Variants in UBA52 observed in about 807,000 individuals in gnomAD.
UBA52 encodes ubiquitin A-52 residue ribosomal protein fusion product 1, also known as ubiquitin-ribosomal protein eL40 fusion protein.
Under a neutral mutation model 15.3 loss-of-function variants are expected in UBA52, and 1 was observed. The observed-to-expected ratio is 0.07, with a 90% CI of 0.02 to 0.31. UBA52 has a LOEUF of 0.31. UBA52 is among the 10% of genes least tolerant of loss of function. UBA52 has a pLI of 1.00. For missense variants in UBA52, 87 were observed against 168.0 expected (o/e 0.52, Z 2.66); for synonymous variants, 50 against 58.3 (o/e 0.86, Z 0.65).
At chr19:18,573,049 G>C (rs1975584037) in intron 1 of UBA52, 2 of 1,323,050 alleles carry the variant, frequency 1.5e-6, no homozygotes, top group Non-Finnish European at 2.0e-6. Context: ...AAGAGCACCC[G>C]TGCGGTCAGG....
upstream of UBA52, chr19:18,567,408 G>T: frequency 1.5e-6 from 1 of 662,124 alleles, no homozygotes; most frequent in Non-Finnish European, 2.7e-6. Flanking sequence ...CCGCACAGGA[G>T]AATGTGGATA....
chr19:18,570,752 C>T (rs1166439794), upstream of UBA52, among the ~76,000 whole-genome samples: 1 of 150,276 alleles, frequency 6.7e-6, no homozygotes, highest in Non-Finnish European at 1.5e-5. Context: ...CAATGGCACT[C>T]TCTCGGCTAA....
At chr19:18,568,283 A>AT, upstream of UBA52, 1 of 665,896 alleles carries the variant, frequency 1.5e-6, no homozygotes, top group Non-Finnish European at 2.6e-6. Context: ...AAAAAAAAAA[A>AT]GGGTCAAGTC....
chr19:18,574,007 T>A (rs535792670), intron 3 of UBA52, among the ~76,000 whole-genome samples: 28 of 151,838 alleles, frequency 1.8e-4, no homozygotes, highest in Non-Finnish European at 4.0e-4. Flanking sequence ...AAAAATCAGC[T>A]GGGTGCAGTG....
chr19:18,572,939 T>C (rs1975577116), intron 1 of UBA52: 1 of 1,113,616 alleles, frequency 9.0e-7, no homozygotes. Flanking sequence ...GGAAGATGGA[T>C]CTAGCAAGAT....
chr19:18,566,943 G>A (rs1975271167), upstream of UBA52, among the ~76,000 whole-genome samples: 1 of 152,212 alleles, frequency 6.6e-6, no homozygotes, highest in Admixed American at 6.5e-5. Context: ...CGGCTGGTGG[G>A]CGACTGTCAG....
At chr19:18,567,390 T>G (rs550893763), upstream of UBA52, 151 of 653,036 alleles carry the variant, frequency 2.3e-4, 2 homozygotes, top group South Asian at 2.6e-3. Context: ...CCGTGCCCCG[T>G]GGGGAGGCCG....
At chr19:18,565,819 C>T in the UBA52 span, among the ~76,000 whole-genome samples, 1 of 152,298 alleles carries the variant, frequency 6.6e-6, no homozygotes, top group East Asian at 1.9e-4. Flanking sequence ...TCCTGAGTAG[C>T]TGGGACTACA....
At chr19:18,573,490 T>C in intron 2 of UBA52, 87 bp downstream of exon 2, 1 of 1,343,686 alleles carries the variant, frequency 7.4e-7, no homozygotes, top group South Asian at 1.2e-5. Context: ...TGGGTTGTGC[T>C]GACTTTAGAT....
At chr19:18,572,286 A>T (rs1415990676) in intron 1 of UBA52, 1 of 152,208 alleles carries the variant, frequency 6.6e-6, no homozygotes, top group African/African-American at 2.4e-5. Flanking sequence ...CTACGTCTGT[A>T]AGGAGGAGCT....
the UBA52 span, chr19:18,565,267 T>G: frequency 2.0e-5 from 23 of 1,158,782 alleles, no homozygotes; most frequent in African/African-American, 3.3e-4. Context: ...TCTCGCTCTG[T>G]TGCCCAGGCT....
At chr19:18,570,841 C>A (rs1460294270), upstream of UBA52, among the ~76,000 whole-genome samples, 1 of 151,848 alleles carries the variant, frequency 6.6e-6, no homozygotes, top group Non-Finnish European at 1.5e-5. Context: ...GCATGCGCCA[C>A]CACGCCCAGC....
rs1364969480 is a variant in UBA52, at chr19:18,573,711, G to C, written c.153G>C (p.Glu51Asp). ...TGATATTTGCCGGCAAACAGCTGGA[G>C]GATGGCCGCACTCTCTCAGACTACA... The part of the protein sequence containing the change: ...QRLIFAGKQL[E>D]DGRTLSDYNI... The change falls in exon 3 of 5, where the codon GAG (glutamate) becomes GAC (aspartate). Residue 51 changes from glutamate to aspartate, a missense_variant. Coordinates refer to ENST00000442744, the MANE Select transcript of UBA52 (RefSeq NM_001033930.3). 1 of 1,614,070 alleles carries C rather than the reference G, an allele frequency of 6.2e-7. No individual in the cohort carries two copies. Among genetic ancestry groups the C allele is most frequent in the Non-Finnish European group, 8.5e-7 (1 of 1,180,040 alleles).
intron 3 of UBA52, among the ~76,000 whole-genome samples, chr19:18,574,230 A>G (rs1368687259): frequency 6.9e-6 from 1 of 145,902 alleles, no homozygotes; most frequent in Non-Finnish European, 1.5e-5. Context: ...AAAAAAAGTC[A>G]TAATGTGAAT....
upstream of UBA52, among the ~76,000 whole-genome samples, chr19:18,567,785 C>T (rs993948126): frequency 6.6e-6 from 1 of 152,220 alleles, no homozygotes; most frequent in Non-Finnish European, 1.5e-5. Flanking sequence ...GGGCCTCCAA[C>T]AGCAGTTTAC....
At position 18,576,680 on chromosome 19, in the gene UBA52, A is replaced by AG. The variant is rs957418094; in HGVS notation, c.*1531dup. 1 of 119,848 alleles carries AG rather than the reference A, an allele frequency of 8.3e-6. No homozygotes were observed. Among genetic ancestry groups the AG allele is most frequent in the African/African-American group, 4.0e-5 (1 of 24,970 alleles). 7.4% of individuals were successfully genotyped at this position (119,848 alleles called of 1,614,324 possible). A position where few individuals can be genotyped will look rare whatever the true frequency, so the allele number is the denominator to read the frequency against. On this transcript the variant is annotated 3_prime_UTR_variant, in exon 5 of 5. Coordinates refer to ENST00000442744, the MANE Select transcript of UBA52 (RefSeq NM_001033930.3). ...TTATCACTTTTTTTTTTTTTTTTTG[A>AG]GATGGAGCCTTGCTCCCATCGTGCA... is the stretch of plus-strand genomic sequence containing the variant.
chr19:18,573,581 G>T, intron 2 of UBA52, 81 bp from the exon 3 acceptor site: 4 of 1,475,390 alleles, frequency 2.7e-6, no homozygotes, highest in Non-Finnish European at 3.8e-6. Context: ...GAAACTGGGG[G>T]TAGTGCTGGA....
At chr19:18,573,801 A>T in intron 3 of UBA52, 53 bp downstream of exon 3, 2 of 1,563,812 alleles carry the variant, frequency 1.3e-6, no homozygotes, top group South Asian at 2.2e-5. Flanking sequence ...GGTCCTAGGA[A>T]AGGAGCATTG....
At chr19:18,572,996 C>T (rs41292115) in intron 1 of UBA52, 13 of 1,221,832 alleles carry the variant, frequency 1.1e-5, no homozygotes, top group African/African-American at 4.6e-5. Flanking sequence ...ACGAGTCCTT[C>T]CGCCGCTAAA....
Sources: allele counts gnomAD v4.1 joint callset (sites outside exome capture counted in the v4.1 genomes callset), GRCh38; gene constraint gnomAD v4.1.1; transcripts MANE v1.5; gene names NCBI Gene and HGNC (gene_info 2026-07-23, HGNC 2026-07-21).